Variants in EPHX2 observed in about 807,000 individuals in gnomAD.
The protein encoded by EPHX2 is epoxide hydrolase 2, also known as bifunctional epoxide hydrolase 2.
EPHX2 carries 74 observed loss-of-function variants against 78.7 expected under a neutral mutation model. The ratio of observed to expected loss-of-function variants is 0.94; its 90% confidence interval spans 0.78 to 1.14. EPHX2 has a LOEUF of 1.14. EPHX2 is among the 50% of genes most tolerant of loss of function. EPHX2 has a pLI of 0.00. For missense variants in EPHX2, 715 were observed against 702.5 expected (o/e 1.02, Z -0.20); for synonymous variants, 251 against 255.2 (o/e 0.98, Z 0.16).
chr8:27,497,080 A>T (rs1410730078), intron 1 of EPHX2, among the ~76,000 whole-genome samples: 1 of 152,180 alleles, frequency 6.6e-6, no homozygotes, highest in East Asian at 1.9e-4. Flanking sequence ...GACCTTGAGG[A>T]CAGCCATCTG....
chr8:27,505,907 C>T (rs1001230725), intron 4 of EPHX2, among the ~76,000 whole-genome samples: 1 of 152,200 alleles, frequency 6.6e-6, no homozygotes, highest in East Asian at 1.9e-4. Context: ...TTCCCTTGTC[C>T]AAGATGGTAA....
At position 27,501,325 on chromosome 8, in the gene EPHX2, T is replaced by TTCTTCC. The variant is rs1218276633; in HGVS notation, c.186+320_186+321insCTCTTC. ...AAGAAAGAGGGAAATGCTATATATT[T>TTCTTCC]TCTTCTTCTTCTTCTTCTTCTTCTT... On this transcript the variant is annotated intron_variant, in intron 2 of 18. Coordinates refer to ENST00000521400, the MANE Select transcript of EPHX2 (RefSeq NM_001979.6). Among the ~76,000 whole-genome samples, 50 of 13,684 alleles carry TTCTTCC rather than the reference T, an allele frequency of 3.7e-3. 1 individual carries two copies. The highest frequency in any genetic ancestry group is 3.2e-3 in the Non-Finnish European group (22 of 6,938). 9.0% of individuals were successfully genotyped at this position (13,684 alleles called of 152,430 possible).
At chr8:27,507,105 C>CCAACCAGCGGTGCCCAGGAG in intron 5 of EPHX2, 111 bp downstream of exon 5, 1 of 1,366,196 alleles carries the variant, frequency 7.3e-7, no homozygotes, top group Non-Finnish European at 9.9e-7. Flanking sequence ...TGAATGACTC[C>CCAACCAGCGGTGCCCAGGAG]TGGGCACCGC....
At chr8:27,512,147 G>A (rs1442506314) in intron 6 of EPHX2, 3 of 490,364 alleles carry the variant, frequency 6.1e-6, no homozygotes, top group Admixed American at 3.5e-5. Context: ...GTTAAATATC[G>A]AGGGTGGTTG....
intron 1 of EPHX2, among the ~76,000 whole-genome samples, chr8:27,493,579 GGTAT>G (rs1330382025): frequency 1.3e-5 from 2 of 152,130 alleles, no homozygotes; most frequent in Non-Finnish European, 2.9e-5. Flanking sequence ...TATAAGTAGG[GGTAT>G]TAGTTGTATG....
intron 12 of EPHX2, among the ~76,000 whole-genome samples, chr8:27,532,170 C>T (rs1815067664): frequency 1.3e-5 from 2 of 152,160 alleles, no homozygotes; most frequent in African/African-American, 4.8e-5. Flanking sequence ...CCCCTGAGCC[C>T]AGGGTAATGA....
At chr8:27,515,372 T>G in intron 6 of EPHX2, 1 of 287,594 alleles carries the variant, frequency 3.5e-6, no homozygotes, top group East Asian at 7.8e-5. Context: ...AGCCCCCTGT[T>G]TAATATACTG....
At chr8:27,524,175 C>T (rs1814745810) in intron 11 of EPHX2, among the ~76,000 whole-genome samples, 1 of 152,144 alleles carries the variant, frequency 6.6e-6, no homozygotes, top group South Asian at 2.1e-4. Context: ...TCAAGTGATC[C>T]ACCCCCATCA....
In EPHX2 at chr8:27,491,223, G is replaced by T. The variant is rs763205116; in HGVS notation, c.15G>T (p.Ala5=). The change falls in exon 1 of 19, where the codon GCG becomes GCT. Residue 5 remains alanine, a synonymous_variant. Coordinates refer to ENST00000521400, the MANE Select transcript of EPHX2 (RefSeq NM_001979.6). MTLR[A]AVFDLDGVLA... is the part of the protein sequence containing the mutation. ...GACCCGCCGCCATGACGCTGCGCGC[G>T]GCCGTCTTCGACCTTGACGGGGTGC... The T allele has an allele frequency of 1.4e-5, 22 of 1,583,238 alleles. No individual in the cohort carries two copies. The African/African-American group carries it at 2.0e-4, about 15-fold the overall frequency.
chr8:27,510,141 A>T (rs550623367), intron 5 of EPHX2, among the ~76,000 whole-genome samples: 2 of 152,168 alleles, frequency 1.3e-5, no homozygotes, highest in East Asian at 3.9e-4. Context: ...AGTCTTCCAT[A>T]GTTATAAAGG....
downstream of EPHX2, among the ~76,000 whole-genome samples, chr8:27,546,067 A>C (rs531983083): frequency 6.6e-6 from 1 of 151,780 alleles, no homozygotes; most frequent in East Asian, 1.9e-4. Flanking sequence ...CTTTTTCTAC[A>C]AAAAAATGTT....
chr8:27,505,891 C>G (rs1377641007), intron 4 of EPHX2, among the ~76,000 whole-genome samples: 2 of 152,204 alleles, frequency 1.3e-5, no homozygotes, highest in Non-Finnish European at 1.5e-5. Flanking sequence ...GCTTAGAATT[C>G]TAGACTTCCC....
chr8:27,540,416 A>G (rs1408415304), intron 14 of EPHX2, 138 bp from the exon 15 acceptor site: 16 of 680,212 alleles, frequency 2.4e-5, no homozygotes, highest in Non-Finnish European at 4.2e-5. Context: ...CTGGCAAAGG[A>G]TAAGGGAACA....
At chr8:27,537,667 C>T (rs1382301181) in intron 13 of EPHX2, among the ~76,000 whole-genome samples, 2 of 152,058 alleles carry the variant, frequency 1.3e-5, no homozygotes, top group African/African-American at 4.8e-5. Flanking sequence ...TCAAATCATT[C>T]TGATCTCTTT....
intron 3 of EPHX2, 63 bp downstream of exon 3, chr8:27,503,826 C>T: frequency 6.5e-7 from 1 of 1,544,754 alleles, no homozygotes; most frequent in South Asian, 1.2e-5. Flanking sequence ...AGCATTAGGT[C>T]AGAATCCATT....
intron 11 of EPHX2, among the ~76,000 whole-genome samples, chr8:27,523,709 A>C (rs899211768): frequency 2.6e-5 from 4 of 152,156 alleles, no homozygotes; most frequent in African/African-American, 9.6e-5. Flanking sequence ...AGCTTTTTAA[A>C]TTTTTTAAAA....
rs750012955 is a variant in EPHX2 at position 27,544,450 on chromosome 8, C to T, written c.1596C>T (p.Thr532=). The T allele has an allele frequency of 9.9e-6, 16 of 1,613,972 alleles. No individual in the cohort carries two copies. The highest frequency in any genetic ancestry group is 3.3e-5 in the Admixed American group (2 of 60,004). ...CGHWTQMDKP[T]EVNQILIKWL... ...ACTTCTCCCTTTCCCCCAGGCCAACCGAGGTGAATCAGATCCTCATTAAGT... is the reference window on the plus strand; with the variant it reads ...ACTTCTCCCTTTCCCCCAGGCCAACTGAGGTGAATCAGATCCTCATTAAGT... The change falls in exon 19 of 19, where the codon ACC becomes ACT. Residue 532 remains threonine, a synonymous_variant. Coordinates refer to ENST00000521400, the MANE Select transcript of EPHX2 (RefSeq NM_001979.6).
chr8:27,520,136 C>T (rs1814595634), intron 9 of EPHX2, among the ~76,000 whole-genome samples: 2 of 151,500 alleles, frequency 1.3e-5, no homozygotes, highest in Non-Finnish European at 2.9e-5. Context: ...GCCATTGTGC[C>T]CAGCCTAATC....
intron 15 of EPHX2, among the ~76,000 whole-genome samples, 183 bp downstream of exon 15, chr8:27,540,839 C>G (rs977520659): frequency 6.6e-6 from 1 of 152,176 alleles, no homozygotes; most frequent in Non-Finnish European, 1.5e-5. Flanking sequence ...TCAGCCTGCT[C>G]TAGTTTGGGA....
Sources: gnomAD v4.1 joint callset for allele counts (sites outside exome capture counted in the v4.1 genomes callset) on GRCh38, gnomAD v4.1.1 for gene constraint, MANE v1.5 for transcripts, NCBI Gene and HGNC (gene_info 2026-07-23, HGNC 2026-07-21) for gene names.